Variants in PLCB1 observed in about 807,000 individuals in gnomAD.
PLCB1 encodes 1-phosphatidylinositol 4,5-bisphosphate phosphodiesterase beta-1.
PLCB1 carries 46 observed loss-of-function variants against 161.8 expected under a neutral mutation model. The observed-to-expected ratio is 0.28, with a 90% CI of 0.22 to 0.36. PLCB1 has a LOEUF of 0.36. PLCB1 is among the 10% of genes least tolerant of loss of function. The pLI is 1.00. For synonymous variants in PLCB1, 517 were observed against 503.7 expected (o/e 1.03, Z -0.35); for missense variants, 1,016 against 1,472.5 (o/e 0.69, Z 5.07).
At chr20:8,314,319 T>C (rs1984538727) in intron 2 of PLCB1, among the ~76,000 whole-genome samples, 3 of 152,216 alleles carry the variant, frequency 2.0e-5, no homozygotes, top group African/African-American at 7.2e-5. Context: ...TTTTCGGAGT[T>C]GTATCTTATC....
chr20:8,670,509 C>T (rs1255701578), intron 9 of PLCB1, among the ~76,000 whole-genome samples: 5 of 152,170 alleles, frequency 3.3e-5, no homozygotes, highest in African/African-American at 1.2e-4. Flanking sequence ...CATTATCACA[C>T]CATATCTTGG....
Position 8,729,014 on chromosome 20 carries a change from T to G in PLCB1, c.1764-36T>G, listed in dbSNP as rs376466662. 60 of 1,424,354 alleles carry G rather than the reference T, an allele frequency of 4.2e-5. No homozygotes were observed. In the South Asian group the frequency reaches 9.1e-4, roughly 21 times the overall value. 88.2% of individuals were successfully genotyped at this position (1,424,354 alleles called of 1,614,324 possible). A position where few individuals can be genotyped will look rare whatever the true frequency, so the allele number is the denominator to read the frequency against. On this transcript the variant is annotated intron_variant, in intron 17 of 31. Transcript: ENST00000338037. ...AGTTACTATTATTGACTAAATATTT[T>G]TATAATTGTATTCACTACTTAACAT...
At chr20:8,234,609 T>G (rs565152193) in intron 2 of PLCB1, among the ~76,000 whole-genome samples, 1 of 152,276 alleles carries the variant, frequency 6.6e-6, no homozygotes, top group African/African-American at 2.4e-5. Context: ...TTCAGAATGC[T>G]ACCCCTGTTC....
At chr20:8,808,850 C>A (rs1984670478) in intron 31 of PLCB1, among the ~76,000 whole-genome samples, 1 of 152,140 alleles carries the variant, frequency 6.6e-6, no homozygotes, top group African/African-American at 2.4e-5. Context: ...TAAAATTTTT[C>A]AGGGATTTTG....
At chr20:8,217,293 T>C (rs1394332757) in intron 2 of PLCB1, among the ~76,000 whole-genome samples, 1 of 152,094 alleles carries the variant, frequency 6.6e-6, no homozygotes, top group Non-Finnish European at 1.5e-5. Context: ...AGTGAAACCA[T>C]GGGGTCAGAG....
chr20:8,595,274 C>T (rs1987299721), intron 3 of PLCB1, among the ~76,000 whole-genome samples: 1 of 139,506 alleles, frequency 7.2e-6, no homozygotes, highest in Admixed American at 7.6e-5. Context: ...CAACAGTCCC[C>T]AGAGTGTGAT....
chr20:8,498,304 C>G (rs1983263463), intron 3 of PLCB1, among the ~76,000 whole-genome samples: 1 of 151,702 alleles, frequency 6.6e-6, no homozygotes, highest in African/African-American at 2.4e-5. Context: ...ACCATGTTGG[C>G]CAAGATGGTC....
intron 31 of PLCB1, among the ~76,000 whole-genome samples, chr20:8,848,236 T>G (rs76044822): frequency 3.9e-5 from 6 of 152,132 alleles, no homozygotes; most frequent in Non-Finnish European, 8.8e-5. Flanking sequence ...CCCAAGAACA[T>G]GAGCTTATGA....
At chr20:8,327,626 C>G (rs1442313344) in intron 2 of PLCB1, among the ~76,000 whole-genome samples, 1 of 152,180 alleles carries the variant, frequency 6.6e-6, no homozygotes, top group East Asian at 1.9e-4. Context: ...CGGCCTCTTC[C>G]ATAGAAGGCC....
intron 23 of PLCB1, chr20:8,751,007 C>T (rs1298296870): frequency 2.4e-6 from 1 of 413,848 alleles, no homozygotes. Flanking sequence ...GCGATCTCGG[C>T]TCACTGCAAG....
At chr20:8,857,400 T>C (rs1162414262) in intron 31 of PLCB1, among the ~76,000 whole-genome samples, 1 of 152,252 alleles carries the variant, frequency 6.6e-6, no homozygotes, top group East Asian at 1.9e-4. Context: ...AATGTTGCTA[T>C]AGTTTATTTT....
chr20:8,375,905 A>C (rs1375989175), intron 3 of PLCB1, among the ~76,000 whole-genome samples: 1 of 151,244 alleles, frequency 6.6e-6, no homozygotes, highest in Non-Finnish European at 1.5e-5. Context: ...ACATAACCTG[A>C]AACTTCTTAC....
At chr20:8,586,900 A>G (rs1276179098) in intron 3 of PLCB1, among the ~76,000 whole-genome samples, 3 of 152,164 alleles carry the variant, frequency 2.0e-5, no homozygotes, top group Non-Finnish European at 2.9e-5. Context: ...GGGGCCCTCA[A>G]GTAAGTACAC....
intron 31 of PLCB1, among the ~76,000 whole-genome samples, chr20:8,804,716 A>G (rs1036269072): frequency 5.9e-5 from 9 of 152,260 alleles, no homozygotes; most frequent in Admixed American, 2.0e-4. Flanking sequence ...AAGGCCGGGC[A>G]TGGTGGCTCA....
At chr20:8,850,387 A>G (rs530720136) in intron 31 of PLCB1, among the ~76,000 whole-genome samples, 1 of 152,346 alleles carries the variant, frequency 6.6e-6, no homozygotes, top group East Asian at 1.9e-4. Context: ...TCCAGAGTCA[A>G]ACATTCCTGA....
intron 9 of PLCB1, among the ~76,000 whole-genome samples, chr20:8,684,689 T>G (rs561217272): frequency 6.6e-6 from 1 of 152,270 alleles, no homozygotes; most frequent in African/African-American, 2.4e-5. Context: ...AACAGGAGGT[T>G]GGTGTTTATT....
chr20:8,531,021 A>C (rs534398628), intron 3 of PLCB1, among the ~76,000 whole-genome samples: 1 of 152,194 alleles, frequency 6.6e-6, no homozygotes, highest in East Asian at 1.9e-4. Context: ...ACAGTAATGA[A>C]AATTTAAACT....
chr20:8,195,945 TG>T (rs1039433158), intron 2 of PLCB1, among the ~76,000 whole-genome samples: 1 of 152,106 alleles, frequency 6.6e-6, no homozygotes, highest in African/African-American at 2.4e-5. Context: ...TCTGCTTGGC[TG>T]GGGAGGCCTC....
At chr20:8,400,470 A>C (rs751054172) in intron 3 of PLCB1, among the ~76,000 whole-genome samples, 18 of 152,320 alleles carry the variant, frequency 1.2e-4, no homozygotes, top group South Asian at 6.2e-4. Flanking sequence ...TTTTTGAAAT[A>C]AATGATTTTT....
Sources: allele counts gnomAD v4.1 joint callset (sites outside exome capture counted in the v4.1 genomes callset), GRCh38; gene constraint gnomAD v4.1.1; transcripts MANE v1.5; gene names NCBI Gene and HGNC (gene_info 2026-07-23, HGNC 2026-07-21).